The following SOS1 variants were observed in gnomAD, a reference collection of about 807,000 sequenced individuals.
The protein encoded by SOS1 is son of sevenless homolog 1.
SOS1 carries 25 observed loss-of-function variants against 157.6 expected under a neutral mutation model. The ratio of observed to expected loss-of-function variants is 0.16; its 90% CI spans 0.12 to 0.22. SOS1 has a LOEUF of 0.22. Among genes scored for constraint, SOS1 ranks in the 10% least tolerant of loss-of-function variants. The pLI, the probability that SOS1 is intolerant of heterozygous loss-of-function variation, is 1.00. For missense variants in SOS1, 1,237 were observed against 1,599.1 expected (o/e 0.77, Z 3.86); for synonymous variants, 528 against 534.0 (o/e 0.99, Z 0.16).
chr2:39,037,471 T>C (rs1558481747), intron 6 of SOS1, among the ~76,000 whole-genome samples: 1 of 152,220 alleles, frequency 6.6e-6, no homozygotes, highest in East Asian at 1.9e-4. Context: ...TATGAATATA[T>C]CAGTTTTCTC....
chr2:39,109,837 G>T (rs529687632), intron 1 of SOS1, among the ~76,000 whole-genome samples: 2 of 152,094 alleles, frequency 1.3e-5, no homozygotes. Context: ...ATCTGCCATG[G>T]TTCATTAACA....
At chr2:39,005,018 C>G (rs1371192049) in intron 17 of SOS1, among the ~76,000 whole-genome samples, 1 of 152,152 alleles carries the variant, frequency 6.6e-6, no homozygotes, top group East Asian at 1.9e-4. Context: ...ACCTTTTAAC[C>G]TATGTATAGT....
chr2:39,074,491 G>C (rs926114976), intron 1 of SOS1, among the ~76,000 whole-genome samples: 6 of 152,038 alleles, frequency 3.9e-5, no homozygotes, highest in African/African-American at 1.4e-4. Flanking sequence ...TTGAACCCGA[G>C]AGGCAGAGCA....
intron 2 of SOS1, among the ~76,000 whole-genome samples, chr2:39,066,606 T>C (rs1007272243): frequency 2.0e-5 from 3 of 152,158 alleles, no homozygotes. Flanking sequence ...ATATACTCTT[T>C]ACTCATAGAA....
intron 20 of SOS1, among the ~76,000 whole-genome samples, chr2:38,989,732 TTA>T (rs1381476318): frequency 1.5e-4 from 23 of 152,018 alleles, no homozygotes; most frequent in Non-Finnish European, 3.2e-4. Context: ...AAGTTACTAA[TTA>T]TATGTCTTTC....
intron 6 of SOS1, among the ~76,000 whole-genome samples, chr2:39,045,001 C>T (rs1188687225): frequency 6.6e-6 from 1 of 152,116 alleles, no homozygotes. Context: ...TCAGAGGATT[C>T]CCTATATTAC....
At chr2:39,045,262 G>GAC (rs1670732100) in intron 6 of SOS1, among the ~76,000 whole-genome samples, 2 of 136,790 alleles carry the variant, frequency 1.5e-5, no homozygotes, top group African/African-American at 2.7e-5. Context: ...GAGAGAGAGA[G>GAC]AGAGAGAGAG....
At chr2:39,027,996 A>C (rs993380192) in intron 8 of SOS1, among the ~76,000 whole-genome samples, 4 of 152,116 alleles carry the variant, frequency 2.6e-5, no homozygotes, top group African/African-American at 9.7e-5. Context: ...ACACCCAGAA[A>C]ATTTTTGTAT....
intron 10 of SOS1, among the ~76,000 whole-genome samples, chr2:39,018,443 A>T (rs1669698809): frequency 6.6e-6 from 1 of 151,772 alleles, no homozygotes; most frequent in South Asian, 2.1e-4. Context: ...TTATTTTCAA[A>T]CAGAAATAAC....
chr2:39,102,594 G>A (rs1045509811), intron 1 of SOS1, among the ~76,000 whole-genome samples: 2 of 151,380 alleles, frequency 1.3e-5, no homozygotes, highest in African/African-American at 4.9e-5. Context: ...TATAGGTGAG[G>A]GGAAACAACA....
upstream of SOS1, among the ~76,000 whole-genome samples, chr2:39,122,706 C>T (rs945993567): frequency 6.6e-6 from 1 of 152,088 alleles, no homozygotes; most frequent in Admixed American, 6.6e-5. Context: ...CCACCACACC[C>T]AGGTAATTTT....
chr2:39,039,365 C>A (rs1670475221), intron 6 of SOS1, among the ~76,000 whole-genome samples: 1 of 152,184 alleles, frequency 6.6e-6, no homozygotes, highest in African/African-American at 2.4e-5. Flanking sequence ...GGGGAAGTTG[C>A]TTTCCAAAGT....
chr2:39,089,530 C>CAAA lies in SOS1; in HGVS notation c.88-21780_88-21778dup, dbSNP rs56688960. Reference sequence around the variant, plus strand: ...GGCAACAAGAACAAGACTCTGTCTCCAAAAAAAAAAAAAAAAAGAAAGAAA... The same window carrying CAAA: ...GGCAACAAGAACAAGACTCTGTCTCCAAAAAAAAAAAAAAAAAAAAGAAAGAAA... On this transcript the variant is annotated intron_variant, in intron 1 of 22. Coordinates refer to ENST00000402219, the MANE Select transcript of SOS1 (RefSeq NM_005633.4). Among the ~76,000 whole-genome samples the CAAA allele has an allele frequency of 2.6e-4, 31 of 118,098 alleles. 1 individual carries two copies. Among genetic ancestry groups the CAAA allele is most frequent in the Middle Eastern group, 4.4e-3 (1 of 226 alleles). The allele number at this position is 118,098 out of a possible 152,430, so 77.5% of individuals were successfully genotyped here. A position where few individuals can be genotyped will look rare whatever the true frequency, so the allele number is the denominator to read the frequency against.
Position 39,039,862 on chromosome 2 carries a change from T to C in SOS1, c.865-4362A>G, listed in dbSNP as rs909560219. Among the ~76,000 whole-genome samples, 4 of 152,170 alleles carry C rather than the reference T, an allele frequency of 2.6e-5. No individual in the cohort carries two copies. The East Asian group carries it at 7.7e-4, about 29-fold the overall frequency. On this transcript the variant is annotated intron_variant, in intron 6 of 22. Coordinates refer to ENST00000402219, the MANE Select transcript of SOS1 (RefSeq NM_005633.4). Reference sequence around the variant, plus strand: ...CAGCCCTAGGCAACCATAAATCTACTTTTTGTCTCCATGGATTTGCCTATT... The same window carrying C: ...CAGCCCTAGGCAACCATAAATCTACCTTTTGTCTCCATGGATTTGCCTATT...
At chr2:39,020,408 G>A (rs1046135021) in intron 10 of SOS1, among the ~76,000 whole-genome samples, 1 of 151,606 alleles carries the variant, frequency 6.6e-6, no homozygotes, top group Non-Finnish European at 1.5e-5. Context: ...ATTTTCTCAT[G>A]TATTATATCC....
intron 1 of SOS1, among the ~76,000 whole-genome samples, chr2:39,101,317 C>CA (rs1347618053): frequency 6.6e-6 from 1 of 152,160 alleles, no homozygotes; most frequent in Non-Finnish European, 1.5e-5. Context: ...GAACACTTCC[C>CA]ACCAGGCCCC....
intron 1 of SOS1, 80 bp downstream of exon 1, chr2:39,120,256 G>A (rs1673818534): frequency 7.1e-6 from 9 of 1,274,270 alleles, no homozygotes; most frequent in Non-Finnish European, 7.3e-6. Context: ...GGCCCTGCGC[G>A]CGCCCCGCCT....
chr2:39,109,967 C>A (rs1177853108), intron 1 of SOS1, among the ~76,000 whole-genome samples: 1 of 150,568 alleles, frequency 6.6e-6, no homozygotes, highest in East Asian at 2.0e-4. Context: ...GAGAAATCAA[C>A]AATTAGATAA....
In SOS1 at chr2:39,054,732, T is replaced by G; in HGVS notation, c.602A>C (p.Tyr201Ser). 1.3e-6 allele frequency: 2 copies of G among 1,593,774 alleles called. No homozygotes were observed. Among genetic ancestry groups the G allele is most frequent in the Non-Finnish European group, 1.7e-6 (2 of 1,161,474 alleles). The change falls in exon 5 of 23, where the codon TAC (tyrosine) becomes TCC (serine). Residue 201 changes from tyrosine to serine, a missense_variant. Transcript: ENST00000402219. ...CATAAATGCTTTTACCAAATCATAGTAAGTTTGTTCTCCTGAGGTGGAAGG... is the reference window on the plus strand; with the variant it reads ...CATAAATGCTTTTACCAAATCATAGGAAGTTTGTTCTCCTGAGGTGGAAGG... Reference protein sequence around the residue: ...EEPSTSGEQTYYDLVKAFMAE... With the variant: ...EEPSTSGEQTSYDLVKAFMAE...
Sources: allele counts gnomAD v4.1 joint callset (sites outside exome capture counted in the v4.1 genomes callset), GRCh38; gene constraint gnomAD v4.1.1; transcripts MANE v1.5; gene names NCBI Gene and HGNC (gene_info 2026-07-23, HGNC 2026-07-21).